The following DEPDC1 variants were observed in gnomAD, a reference collection of about 807,000 sequenced individuals.
The protein encoded by DEPDC1 is DEP domain-containing protein 1A.
A neutral mutation model predicts 86.8 loss-of-function variants in DEPDC1; 66 were observed. That is an observed-to-expected ratio of 0.76 (90% CI 0.62 to 0.93). DEPDC1 has a LOEUF of 0.93. DEPDC1 is among the 40% of genes least tolerant of loss of function. The pLI is 0.00. For synonymous variants in DEPDC1, 255 were observed against 314.9 expected (o/e 0.81, Z 2.02); for missense variants, 792 against 935.7 (o/e 0.85, Z 2.00).
At position 68,479,647 on chromosome 1, in the gene DEPDC1, T is replaced by TA. The variant is rs368435308; in HGVS notation, c.1936-328dup. ...GTGAAACCCTATACCTATGAAGAAA[T>TA]AAAAAACTAGCCAGGCATGATGGTG... On this transcript the variant is annotated intron_variant, in intron 9 of 11. Transcript: ENST00000456315. Among the ~76,000 whole-genome samples, 10 of 151,626 alleles carry TA rather than the reference T, an allele frequency of 6.6e-5. 1 individual carries two copies. The East Asian group carries it at 1.8e-3, about 27-fold the overall frequency.
intron 2 of DEPDC1, among the ~76,000 whole-genome samples, chr1:68,492,432 C>T (rs971402291): frequency 3.3e-5 from 5 of 151,924 alleles, no homozygotes; most frequent in African/African-American, 1.2e-4. Context: ...AGAGGCCGGG[C>T]GTGGTGGCTC....
rs2100255031 is a variant in DEPDC1, at chr1:68,483,931, C to A, written c.910+19G>T. 7.3e-7 allele frequency: 1 copy of A among 1,374,972 alleles called. No homozygotes were observed. The allele number at this position is 1,374,972 out of a possible 1,614,324, so 85.2% of individuals were successfully genotyped here. A position where few individuals can be genotyped will look rare whatever the true frequency, so the allele number is the denominator to read the frequency against. On this transcript the variant is annotated intron_variant, in intron 7 of 11. Transcript: ENST00000456315. ...AAACTTTAACAAAATGAACTAAAAT[C>A]AGTAAAATCTATACATACCCAAAAT...
intron 5 of DEPDC1, among the ~76,000 whole-genome samples, chr1:68,487,294 C>A (rs867104202): frequency 5.9e-5 from 9 of 151,914 alleles, no homozygotes; most frequent in Non-Finnish European, 1.3e-4. Flanking sequence ...ATAAACTCCA[C>A]GTTCATTTTT....
chr1:68,493,184 G>A (rs951953209), intron 2 of DEPDC1, among the ~76,000 whole-genome samples: 5 of 152,186 alleles, frequency 3.3e-5, no homozygotes, highest in Admixed American at 3.3e-4. Context: ...GGGAAGATTT[G>A]TAGAGTGCTA....
intron 6 of DEPDC1, among the ~76,000 whole-genome samples, chr1:68,485,049 A>G (rs1646184086): frequency 6.6e-6 from 1 of 151,638 alleles, no homozygotes; most frequent in Non-Finnish European, 1.5e-5. Flanking sequence ...CTATCTTTCA[A>G]GTTAAAATGT....
intron 2 of DEPDC1, among the ~76,000 whole-genome samples, chr1:68,492,819 T>C (rs1646238701): frequency 6.6e-6 from 1 of 152,022 alleles, no homozygotes. Flanking sequence ...GACTAAATCA[T>C]ATTTAAAGGA....
intron 4 of DEPDC1, 64 bp from the exon 5 acceptor site, chr1:68,488,568 T>C: frequency 7.6e-7 from 1 of 1,321,902 alleles, no homozygotes; most frequent in Non-Finnish European, 1.0e-6. Flanking sequence ...TGAATATGAC[T>C]AGTAAACAAA....
At chr1:68,488,558 T>G in intron 4 of DEPDC1, 54 bp from the exon 5 acceptor site, 3 of 1,402,396 alleles carry the variant, frequency 2.1e-6, no homozygotes, top group Non-Finnish European at 2.9e-6. Flanking sequence ...ATTATACATA[T>G]GAATATGACT....
At chr1:68,485,778 A>T (rs759848491) in intron 6 of DEPDC1, among the ~76,000 whole-genome samples, 6 of 152,054 alleles carry the variant, frequency 3.9e-5, no homozygotes, top group Non-Finnish European at 7.4e-5. Context: ...GTTTCTGTAA[A>T]TATATTTAAT....
rs538394007 is a variant in DEPDC1, at chr1:68,474,717, T to C, written c.*2215A>G. 6.6e-6 allele frequency: 1 copy of C among 152,046 alleles called. No homozygotes were observed. The highest frequency in any genetic ancestry group is 2.4e-5 in the African/African-American group (1 of 41,448). 9.4% of individuals were successfully genotyped at this position (152,046 alleles called of 1,614,324 possible). On this transcript the variant is annotated 3_prime_UTR_variant, in exon 12 of 12. Transcript: ENST00000456315. ...CTATATTTGAACTTAAAGATCTTTA[T>C]GTTAGAATGGAATCTATCCATGTTC...
intron 9 of DEPDC1, among the ~76,000 whole-genome samples, chr1:68,481,149 CA>C (rs1489536686): frequency 6.6e-6 from 1 of 151,956 alleles, no homozygotes; most frequent in African/African-American, 2.4e-5. Flanking sequence ...AGAATTGGCA[CA>C]AGGCAACATA....
intron 2 of DEPDC1, among the ~76,000 whole-genome samples, chr1:68,492,818 A>G (rs2100272589): frequency 6.6e-6 from 1 of 152,322 alleles, no homozygotes; most frequent in South Asian, 2.1e-4. Flanking sequence ...AGACTAAATC[A>G]TATTTAAAGG....
chr1:68,488,303 C>T, intron 5 of DEPDC1, 71 bp downstream of exon 5: 1 of 1,426,730 alleles, frequency 7.0e-7, no homozygotes, highest in South Asian at 1.6e-5. Context: ...ATTTGGGTCT[C>T]TCTTTACACT....
In DEPDC1 at chr1:68,496,650, C is replaced by T. The variant is rs1033120646; in HGVS notation, c.48+302G>A. ...GCGGCCAAATCGGAATATTCTAAGA[C>T]GCCCCCACGGGACGCCGGCCACACC... On this transcript the variant is annotated intron_variant, in intron 1 of 11. Transcript: ENST00000456315. The surrounding 1 kb of genome is among the most constrained non-coding windows in gnomAD (Gnocchi z 4.0). 11 of 347,064 alleles carry T rather than the reference C, an allele frequency of 3.2e-5. No homozygotes were observed. The highest frequency in any genetic ancestry group is 5.2e-5 in the Non-Finnish European group (10 of 191,810). The allele number at this position is 347,064 out of a possible 1,614,324, so 21.5% of individuals were successfully genotyped here.
intron 2 of DEPDC1, among the ~76,000 whole-genome samples, chr1:68,492,850 G>A (rs1646238807): frequency 6.6e-6 from 1 of 152,114 alleles, no homozygotes; most frequent in Non-Finnish European, 1.5e-5. Context: ...AAAGAATCAA[G>A]GCAACTATAG....
chr1:68,481,885 G>T (rs1293508755), intron 8 of DEPDC1, 161 bp downstream of exon 8: 4 of 751,018 alleles, frequency 5.3e-6, no homozygotes, highest in Non-Finnish European at 7.9e-6. Context: ...TAGGTAAACA[G>T]AATAAATCTT....
rs1029497551 is a variant in DEPDC1 at position 68,497,065 on chromosome 1, A to C, written c.-66T>G. The C allele has an allele frequency of 4.1e-5, 64 of 1,569,216 alleles. No homozygotes were observed. Among genetic ancestry groups the C allele is most frequent in the Non-Finnish European group, 5.5e-5 (63 of 1,143,184 alleles). On this transcript the variant is annotated 5_prime_UTR_variant, in exon 1 of 12. Coordinates refer to ENST00000456315, the MANE Select transcript of DEPDC1 (RefSeq NM_001114120.3). The stretch of plus-strand genomic sequence containing the variant: ...GACACTCAGGCCCAGCGGCCGCGGC[A>C]GTGGCGAGTCTCGGCACAACCGTTG...
At position 68,482,675 on chromosome 1, in the gene DEPDC1, T is replaced by A; in HGVS notation, c.1133A>T (p.Lys378Met). 6.2e-7 allele frequency: 1 copy of A among 1,612,504 alleles called. No individual in the cohort carries two copies. ...TCTTAAATTAACTAGCTGCATTTTC[T>A]TAGCACATCTTTCTTGAAATCCTGG... ...SNPGFQERCA[K>M]KMQLVNLRNR... The change falls in exon 8 of 12, where the codon AAG (lysine) becomes ATG (methionine). Residue 378 changes from lysine to methionine, a missense_variant. By Grantham distance (95) the Lys-to-Met change is moderately conservative. Coordinates refer to ENST00000456315, the MANE Select transcript of DEPDC1 (RefSeq NM_001114120.3).
Position 68,490,466 on chromosome 1 carries a change from G to T in DEPDC1, c.315-858C>A, listed in dbSNP as rs533004810. 1.3e-3 allele frequency among the ~76,000 whole-genome samples: 191 copies of T among 152,226 alleles called. 2 individuals carry two copies. The South Asian group carries it at 0.015, about 12-fold the overall frequency. ...TTTTATGGCTGCATACTATTCCATG[G>T]TGTATATGTACACATTTTCTTCATC... On this transcript the variant is annotated intron_variant, in intron 2 of 11. Coordinates refer to ENST00000456315, the MANE Select transcript of DEPDC1 (RefSeq NM_001114120.3).
Sources: gnomAD v4.1 joint callset for allele counts (sites outside exome capture counted in the v4.1 genomes callset) on GRCh38, gnomAD v4.1.1 for gene constraint, Gnocchi (gnomAD v3.1) non-coding constraint, MANE v1.5 for transcripts, NCBI Gene and HGNC (gene_info 2026-07-23, HGNC 2026-07-21) for gene names.